METTL9: variants seen among roughly 807,000 people sequenced by gnomAD.
The protein encoded by METTL9 is protein-L-histidine N-pros-methyltransferase.
Under a neutral mutation model 36.0 loss-of-function variants are expected in METTL9, and 10 were observed. The ratio of observed to expected loss-of-function variants is 0.28; its 90% confidence interval spans 0.17 to 0.47. The LOEUF is 0.47. Ranked by LOEUF, METTL9 falls within the 20% of genes least tolerant of loss-of-function variation. The pLI, the probability that METTL9 is intolerant of heterozygous loss-of-function variation, is 0.99. For missense variants in METTL9, 246 were observed against 383.5 expected (o/e 0.64, Z 3.00); for synonymous variants, 175 against 149.7 (o/e 1.17, Z -1.23).
At chr16:21,646,724 G>A (rs1259968731) in intron 4 of METTL9, 8 of 290,416 alleles carry the variant, frequency 2.8e-5, no homozygotes, top group South Asian at 2.3e-4. Context: ...GTGCGATCTC[G>A]GTTCACTGCA....
At chr16:21,609,625 T>C (rs1044024089) in intron 1 of METTL9, among the ~76,000 whole-genome samples, 1 of 151,596 alleles carries the variant, frequency 6.6e-6, no homozygotes, top group Admixed American at 6.6e-5. Flanking sequence ...GCAGAGCAAA[T>C]ACCATGTGAG....
chr16:21,638,386 T>C (rs772463524), intron 4 of METTL9, among the ~76,000 whole-genome samples: 2 of 152,116 alleles, frequency 1.3e-5, no homozygotes, highest in African/African-American at 2.4e-5. Context: ...ATTAGTACTG[T>C]TGGGGTTTGT....
intron 4 of METTL9, among the ~76,000 whole-genome samples, chr16:21,629,224 T>C (rs113724619): frequency 9.9e-5 from 15 of 152,052 alleles, no homozygotes; most frequent in Non-Finnish European, 1.8e-4. Flanking sequence ...CTCCCAGATA[T>C]ATATTTTGAG....
At chr16:21,623,715 C>T (rs1458484312) in intron 3 of METTL9, among the ~76,000 whole-genome samples, 1 of 151,784 alleles carries the variant, frequency 6.6e-6, no homozygotes, top group Non-Finnish European at 1.5e-5. Context: ...TTTTTTAAAC[C>T]ATGCTCTTAA....
At chr16:21,627,486 T>C in intron 4 of METTL9, 1 of 426,890 alleles carries the variant, frequency 2.3e-6, no homozygotes, top group Non-Finnish European at 3.1e-6. Context: ...GTGAGAATTA[T>C]TTTAAGCACC....
chr16:21,604,449 T>A (rs1333250213), intron 1 of METTL9, among the ~76,000 whole-genome samples: 1 of 152,272 alleles, frequency 6.6e-6, no homozygotes, highest in South Asian at 2.1e-4. Context: ...TATTTAGTAT[T>A]TGCAATGAGG....
intron 4 of METTL9, among the ~76,000 whole-genome samples, chr16:21,632,120 G>A (rs528242408): frequency 7.2e-5 from 11 of 152,146 alleles, no homozygotes; most frequent in Admixed American, 7.2e-4. Flanking sequence ...TAAGACTGCC[G>A]CCTCCTTGGG....
chr16:21,642,495 C>G (rs1966298313), intron 4 of METTL9: 1 of 152,134 alleles, frequency 6.6e-6, no homozygotes, highest in Non-Finnish European at 1.5e-5. Flanking sequence ...AGTATCTGTT[C>G]TATTGGCATT....
chr16:21,636,130 C>A (rs907752268), intron 4 of METTL9, among the ~76,000 whole-genome samples: 2 of 152,156 alleles, frequency 1.3e-5, no homozygotes, highest in African/African-American at 4.8e-5. Context: ...GAGGGCCATA[C>A]CCTGAGGGAG....
chr16:21,628,096 T>C (rs1305607158), intron 4 of METTL9, among the ~76,000 whole-genome samples: 1 of 152,246 alleles, frequency 6.6e-6, no homozygotes, highest in East Asian at 1.9e-4. Flanking sequence ...AGTTCCCAAT[T>C]ATAAATAACT....
intron 4 of METTL9, among the ~76,000 whole-genome samples, chr16:21,645,367 C>T (rs781236738): frequency 1.3e-4 from 20 of 152,202 alleles, no homozygotes; most frequent in Admixed American, 5.2e-4. Flanking sequence ...GCAGGAGAAT[C>T]GCTTGAACCC....
chr16:21,611,726 AT>A lies in METTL9; in HGVS notation c.166-916del, dbSNP rs149429614. On this transcript the variant is annotated intron_variant, in intron 1 of 4. Coordinates refer to ENST00000358154, the MANE Select transcript of METTL9 (RefSeq NM_016025.5). ...TCTACAAATGAATGGAGGCTGAGAG[AT>A]TTAAGTGATTTGTCTGAGCTCACAT... 8.8e-3 allele frequency among the ~76,000 whole-genome samples: 1,346 copies of A among 152,264 alleles called. 47 individuals carry two copies. The highest frequency in any genetic ancestry group is 0.083 in the East Asian group (429 of 5,178).
chr16:21,650,277 C>T (rs550303333), intron 4 of METTL9, among the ~76,000 whole-genome samples: 11 of 152,246 alleles, frequency 7.2e-5, no homozygotes, highest in South Asian at 2.1e-4. Context: ...GATGCCGAGG[C>T]GGGCAGATCA....
intron 4 of METTL9, among the ~76,000 whole-genome samples, chr16:21,639,154 T>G (rs770959749): frequency 2.0e-5 from 3 of 152,194 alleles, no homozygotes; most frequent in Non-Finnish European, 2.9e-5. Flanking sequence ...GATGAATAAA[T>G]GAATGAATAC....
intron 4 of METTL9, among the ~76,000 whole-genome samples, chr16:21,636,563 C>T (rs1244264402): frequency 6.6e-6 from 1 of 152,182 alleles, no homozygotes; most frequent in Non-Finnish European, 1.5e-5. Flanking sequence ...GCTTGGGCGA[C>T]ATTGAGAGTT....
intron 4 of METTL9, chr16:21,627,425 T>G: frequency 1.0e-6 from 1 of 978,254 alleles, no homozygotes; most frequent in Non-Finnish European, 1.2e-6. Context: ...CATTCTAATT[T>G]CAGTTTATTT....
intron 4 of METTL9, among the ~76,000 whole-genome samples, chr16:21,650,634 C>T (rs1456664869): frequency 6.6e-6 from 1 of 152,008 alleles, no homozygotes; most frequent in Non-Finnish European, 1.5e-5. Flanking sequence ...CATATCTCTA[C>T]TTATTTCCAC....
At chr16:21,625,819 C>T (rs1481720332) in intron 4 of METTL9, among the ~76,000 whole-genome samples, 2 of 152,080 alleles carry the variant, frequency 1.3e-5, no homozygotes, top group East Asian at 3.8e-4. Context: ...AAGTCTCCTG[C>T]ATTTTCATAA....
rs1965045110 is a variant in METTL9, at chr16:21,599,621, G to C, written c.-113G>C. On this transcript the variant is annotated 5_prime_UTR_variant, in exon 1 of 5. Coordinates refer to ENST00000358154, the MANE Select transcript of METTL9 (RefSeq NM_016025.5). The surrounding 1 kb of genome is among the most constrained non-coding windows in gnomAD (Gnocchi z 4.4). ...GCCCTGAAGGGGGCTGGATGGGCAA[G>C]GCGGCCGCGATGGCTCGAGCTCGGG... 1.5e-6 allele frequency: 2 copies of C among 1,333,582 alleles called. No homozygotes were observed. Among genetic ancestry groups the C allele is most frequent in the Admixed American group, 4.2e-5 (1 of 23,638 alleles). 82.6% of individuals were successfully genotyped at this position (1,333,582 alleles called of 1,614,324 possible).
Sources: gnomAD v4.1 joint callset for allele counts (sites outside exome capture counted in the v4.1 genomes callset) on GRCh38, gnomAD v4.1.1 for gene constraint, Gnocchi (gnomAD v3.1) non-coding constraint, MANE v1.5 for transcripts, NCBI Gene and HGNC (gene_info 2026-07-23, HGNC 2026-07-21) for gene names.